The following PDGFC variants were observed in gnomAD, a reference collection of about 807,000 sequenced individuals.
PDGFC encodes platelet-derived growth factor C.
A neutral mutation model predicts 35.5 loss-of-function variants in PDGFC; 12 were observed. The ratio of observed to expected loss-of-function variants is 0.34; its 90% CI spans 0.22 to 0.55. PDGFC has a LOEUF of 0.55. PDGFC is among the 20% of genes least tolerant of loss of function. The pLI, the probability that PDGFC is intolerant of heterozygous loss-of-function variation, is 0.91. For synonymous variants in PDGFC, 159 were observed against 148.8 expected, an observed-to-expected ratio of 1.07 and a Z score of -0.50; for missense variants, 322 against 412.4, an observed-to-expected ratio of 0.78 and a Z score of 1.90.
At chr4:156,965,229 G>A (rs1732437704) in intron 1 of PDGFC, among the ~76,000 whole-genome samples, 1 of 152,152 alleles carries the variant, frequency 6.6e-6, no homozygotes, top group South Asian at 2.1e-4. Flanking sequence ...TGTTGTTAGA[G>A]TTAACAGCAT....
At chr4:156,863,449 C>G (rs1729764742) in intron 1 of PDGFC, among the ~76,000 whole-genome samples, 1 of 152,078 alleles carries the variant, frequency 6.6e-6, no homozygotes, top group Admixed American at 6.6e-5. Context: ...GTAACTTTTT[C>G]TTTGTTTTCG....
intron 1 of PDGFC, among the ~76,000 whole-genome samples, chr4:156,920,148 TTG>T (rs1170618985): frequency 2.6e-5 from 4 of 152,220 alleles, no homozygotes; most frequent in Non-Finnish European, 5.9e-5. Flanking sequence ...AGCACCATGC[TTG>T]TGCAGCTTGT....
chr4:156,943,892 A>G (rs1579116406), intron 1 of PDGFC, among the ~76,000 whole-genome samples: 1 of 152,156 alleles, frequency 6.6e-6, no homozygotes, highest in East Asian at 1.9e-4. Flanking sequence ...CTTTTCTTCC[A>G]CTGTGGATTT....
chr4:156,941,392 G>A (rs1263328461), intron 1 of PDGFC, among the ~76,000 whole-genome samples: 1 of 152,110 alleles, frequency 6.6e-6, no homozygotes, highest in Non-Finnish European at 1.5e-5. Context: ...AACCATGAAA[G>A]GTTATTGCCT....
At chr4:156,928,738 A>G (rs1399000742) in intron 1 of PDGFC, among the ~76,000 whole-genome samples, 1 of 152,226 alleles carries the variant, frequency 6.6e-6, no homozygotes, top group Non-Finnish European at 1.5e-5. Flanking sequence ...ATGGTGTTAA[A>G]GACTGTTTAG....
intron 1 of PDGFC, among the ~76,000 whole-genome samples, chr4:156,886,317 GT>G (rs748315499): frequency 1.3e-5 from 2 of 152,088 alleles, no homozygotes; most frequent in Non-Finnish European, 2.9e-5. Flanking sequence ...CTTGCAATAA[GT>G]GCAGTATTCC....
chr4:156,869,814 C>G (rs1355113853), intron 1 of PDGFC, among the ~76,000 whole-genome samples: 1 of 152,074 alleles, frequency 6.6e-6, no homozygotes. Context: ...AATACTGGTT[C>G]TGATTTGACT....
intron 2 of PDGFC, among the ~76,000 whole-genome samples, chr4:156,824,489 T>C: frequency 6.6e-6 from 1 of 151,594 alleles, no homozygotes; most frequent in East Asian, 1.9e-4. Flanking sequence ...CATCAACAAC[T>C]AGCAAAAATA....
chr4:156,822,112 C>A (rs1351829217), intron 2 of PDGFC, among the ~76,000 whole-genome samples: 1 of 152,010 alleles, frequency 6.6e-6, no homozygotes, highest in African/African-American at 2.4e-5. Flanking sequence ...GTAATCCCAG[C>A]AGTTTGGGAG....
At chr4:156,843,315 C>T (rs895409879) in intron 2 of PDGFC, among the ~76,000 whole-genome samples, 2 of 152,180 alleles carry the variant, frequency 1.3e-5, no homozygotes, top group African/African-American at 4.8e-5. Flanking sequence ...TTGGCCTTCC[C>T]AGCATCCAGA....
chr4:156,899,958 C>A (rs2110758739), intron 1 of PDGFC, among the ~76,000 whole-genome samples: 1 of 152,290 alleles, frequency 6.6e-6, no homozygotes, highest in East Asian at 1.9e-4. Flanking sequence ...CCTCTGAAAC[C>A]TTCTACTCTT....
At chr4:156,893,699 G>C (rs1730567624) in intron 1 of PDGFC, among the ~76,000 whole-genome samples, 1 of 151,760 alleles carries the variant, frequency 6.6e-6, no homozygotes, top group South Asian at 2.1e-4. Flanking sequence ...CTTATGCAAG[G>C]ACAATTACTG....
intron 1 of PDGFC, among the ~76,000 whole-genome samples, chr4:156,865,636 T>G (rs1050079373): frequency 1.4e-4 from 22 of 152,072 alleles, no homozygotes; most frequent in African/African-American, 5.1e-4. Context: ...ATTAGAAAAC[T>G]TCTAACTAGA....
intron 1 of PDGFC, among the ~76,000 whole-genome samples, chr4:156,948,002 T>C (rs903731268): frequency 6.6e-6 from 1 of 151,934 alleles, no homozygotes; most frequent in African/African-American, 2.4e-5. Flanking sequence ...CTCTACGGTC[T>C]ACACACACAC....
intron 1 of PDGFC, among the ~76,000 whole-genome samples, chr4:156,909,872 C>T (rs1049171707): frequency 6.6e-6 from 1 of 152,040 alleles, no homozygotes; most frequent in Non-Finnish European, 1.5e-5. Flanking sequence ...TTACATTGTA[C>T]CCTAAATCCA....
chr4:156,910,918 A>T (rs1277458690), intron 1 of PDGFC, among the ~76,000 whole-genome samples: 1 of 152,076 alleles, frequency 6.6e-6, no homozygotes, highest in Non-Finnish European at 1.5e-5. Context: ...GAGTTTTGAG[A>T]GTCCTTTATA....
intron 1 of PDGFC, among the ~76,000 whole-genome samples, chr4:156,918,961 G>A (rs1408440265): frequency 6.6e-6 from 1 of 152,058 alleles, no homozygotes; most frequent in Non-Finnish European, 1.5e-5. Flanking sequence ...TAAAGCTAAC[G>A]CCAAAAAGTC....
intron 1 of PDGFC, among the ~76,000 whole-genome samples, chr4:156,902,671 A>C (rs937663509): frequency 6.6e-6 from 1 of 152,182 alleles, no homozygotes; most frequent in African/African-American, 2.4e-5. Context: ...AATTTACCAC[A>C]GTTTACTCAT....
intron 1 of PDGFC, among the ~76,000 whole-genome samples, chr4:156,875,129 T>G (rs943111928): frequency 6.6e-6 from 1 of 152,066 alleles, no homozygotes; most frequent in African/African-American, 2.4e-5. Flanking sequence ...CAAAAATAAT[T>G]GATGAGTGAA....
Sources: gnomAD v4.1 joint callset for allele counts (sites outside exome capture counted in the v4.1 genomes callset) on GRCh38, gnomAD v4.1.1 for gene constraint, MANE v1.5 for transcripts, NCBI Gene and HGNC (gene_info 2026-07-23, HGNC 2026-07-21) for gene names.